The following CA9 variants were observed in gnomAD, a reference collection of about 807,000 sequenced individuals.
The protein encoded by CA9 is carbonic anhydrase 9, also known as CA-IX.
CA9 carries 43 observed loss-of-function variants against 51.8 expected under a neutral mutation model. The ratio of observed to expected loss-of-function variants is 0.83; its 90% CI spans 0.65 to 1.07. The LOEUF (loss-of-function observed/expected upper bound fraction) is 1.07. Among genes scored for constraint, CA9 ranks in the 50% least tolerant of loss-of-function variants. CA9 has a pLI of 0.00. For synonymous variants in CA9, 253 were observed against 244.2 expected, an observed-to-expected ratio of 1.04 and a Z score of -0.34; for missense variants, 574 against 581.4, an observed-to-expected ratio of 0.99 and a Z score of 0.13.
chr9:35,680,617 C>G (rs1587948046), intron 9 of CA9, 136 bp from the exon 10 acceptor site: 3 of 685,068 alleles, frequency 4.4e-6, no homozygotes, highest in Non-Finnish European at 7.6e-6. Context: ...CTTGGCTGGC[C>G]TCTTCTGGAG....
In CA9 at chr9:35,674,065, C is replaced by T. The variant is rs1824369994; in HGVS notation, c.106C>T (p.His36Tyr). 1 of 1,614,074 alleles carries T rather than the reference C, an allele frequency of 6.2e-7. No homozygotes were observed. The highest frequency in any genetic ancestry group is 1.3e-5 in the African/African-American group (1 of 74,932). Residue 36 changes from histidine (H) to tyrosine (Y), a missense_variant, in exon 1 of 11, where the codon CAT becomes TAT. Coordinates refer to ENST00000378357, the MANE Select transcript of CA9 (RefSeq NM_001216.3). ...GTCACTGCTGCTTCTGGTGCCTGTC[C>T]ATCCCCAGAGGTTGCCCCGGATGCA... The part of the protein sequence containing the change: ...LLSLLLLVPV[H>Y]PQRLPRMQED...
chr9:35,675,823 A>G lies in CA9; in HGVS notation c.496A>G (p.Ile166Val), dbSNP rs764462068. 1.9e-6 allele frequency: 3 copies of G among 1,603,622 alleles called. No individual in the cohort carries two copies. The highest frequency in any genetic ancestry group is 1.7e-6 in the Non-Finnish European group (2 of 1,179,408). The change falls in exon 3 of 11, where the codon ATC becomes GTC. Residue 166 changes from isoleucine (I) to valine (V), a missense_variant. Physicochemically the swap from Ile to Val is conservative, Grantham distance 29. Transcript: ENST00000378357. ...GGGCCGCTTCCAGTCCCCGGTGGAT[A>G]TCCGCCCCCAGCTCGCCGCCTTCTG... ...CAGRFQSPVD[I>V]RPQLAAFCPA...
At chr9:35,680,300 C>T (rs1824514869) in intron 9 of CA9, among the ~76,000 whole-genome samples, 161 bp downstream of exon 9, 1 of 152,222 alleles carries the variant, frequency 6.6e-6, no homozygotes, top group African/African-American at 2.4e-5. Flanking sequence ...CCCCCATTGT[C>T]CCCAGAGGCT....
rs1188175823 is a variant in CA9 at position 35,674,209 on chromosome 9, C to T, written c.250C>T (p.Pro84Ser). The T allele has an allele frequency of 1.3e-6, 2 of 1,513,336 alleles. No individual in the cohort carries two copies. Among genetic ancestry groups the T allele is most frequent in the African/African-American group, 3.2e-5 (2 of 62,234 alleles). The allele number at this position is 1,513,336 out of a possible 1,614,324, so 93.7% of individuals were successfully genotyped here. A position where few individuals can be genotyped will look rare whatever the true frequency, so the allele number is the denominator to read the frequency against. The change falls in exon 1 of 11, where the codon CCT becomes TCT. Residue 84 changes from proline (P) to serine (S), a missense_variant. By Grantham distance (74) the Pro-to-Ser change is moderately conservative (BLOSUM62 -1). Coordinates refer to ENST00000378357, the MANE Select transcript of CA9 (RefSeq NM_001216.3). Reference protein sequence around the residue: ...EEDPPGEEDLPGEEDLPGEED... With the variant: ...EEDPPGEEDLSGEEDLPGEED... ...GGATCCACCCGGAGAGGAGGATCTA[C>T]CTGGAGAGGAGGATCTACCTGGAGA...
chr9:35,679,072 T>C (rs41277059), intron 6 of CA9, 113 bp from the exon 7 acceptor site: 69,318 of 1,110,176 alleles, frequency 0.062, 2,666 homozygotes, highest in Non-Finnish European at 0.074. Context: ...AGCGAAGAAG[T>C]GGTCTCAGAG....
chr9:35,676,938 C>T (rs113105632), intron 5 of CA9, among the ~76,000 whole-genome samples: 260 of 152,230 alleles, frequency 1.7e-3, no homozygotes, highest in Non-Finnish European at 2.6e-3. Context: ...CTGCAACTTC[C>T]GCCTCCCGGG....
intron 1 of CA9, 43 bp from the exon 2 acceptor site, chr9:35,675,495 T>C: frequency 6.2e-7 from 1 of 1,612,192 alleles, no homozygotes; most frequent in Non-Finnish European, 8.5e-7. Context: ...AGGAAGGGAT[T>C]GGGGCTCTAA....
rs748814740 is a variant in CA9 at position 35,674,192 on chromosome 9, C to G, written c.233C>G (p.Pro78Arg). The G allele has an allele frequency of 6.2e-7, 1 of 1,612,802 alleles. No homozygotes were observed. Among genetic ancestry groups the G allele is most frequent in the Non-Finnish European group, 8.5e-7 (1 of 1,179,972 alleles). The change falls in exon 1 of 11, where the codon CCC becomes CGC. Residue 78 changes from proline (P) to arginine (R), a missense_variant. Coordinates refer to ENST00000378357, the MANE Select transcript of CA9 (RefSeq NM_001216.3). ...EEDSPREEDPPGEEDLPGEED... is the reference protein window; with the variant it reads ...EEDSPREEDPRGEEDLPGEED... ...GATTCACCCAGAGAGGAGGATCCAC[C>G]CGGAGAGGAGGATCTACCTGGAGAG...
intron 9 of CA9, 182 bp from the exon 10 acceptor site, chr9:35,680,571 C>G: frequency 1.6e-6 from 1 of 611,322 alleles, no homozygotes; most frequent in East Asian, 2.8e-5. Flanking sequence ...AAAAACGGTG[C>G]TTATCTTACC....
chr9:35,678,967 T>C (rs1266476578), intron 6 of CA9, among the ~76,000 whole-genome samples: 1 of 152,122 alleles, frequency 6.6e-6, no homozygotes, highest in Non-Finnish European at 1.5e-5. Flanking sequence ...CTCCTTCCTT[T>C]CTTTCTTCCT....
chr9:35,675,395 T>C, intron 1 of CA9, 143 bp from the exon 2 acceptor site: 1 of 852,598 alleles, frequency 1.2e-6, no homozygotes, highest in Non-Finnish European at 1.9e-6. Flanking sequence ...GGGTGCGGTC[T>C]CCTGTGCTTT....
In CA9 at chr9:35,674,103, CT is replaced by C. The variant is rs113003874; in HGVS notation, c.146del (p.Leu49TrpfsTer60). On this transcript the variant is annotated frameshift_variant, in exon 1 of 11. Coordinates refer to ENST00000378357, the MANE Select transcript of CA9 (RefSeq NM_001216.3). LOFTEE classifies it high-confidence loss of function. ...RLPRMQEDSP[L>X]GGGSSGEDDP... ...TGCCCCGGATGCAGGAGGATTCCCC[CT>C]TGGGAGGAGGCTCTTCTGGGGAAGA... is the stretch of plus-strand genomic sequence containing the variant. 3.7e-6 allele frequency: 6 copies of C among 1,614,140 alleles called. No individual in the cohort carries two copies. The highest frequency in any genetic ancestry group is 5.1e-6 in the Non-Finnish European group (6 of 1,179,992).
intron 3 of CA9, 44 bp from the exon 4 acceptor site, chr9:35,676,020 G>T (rs761618983): frequency 1.2e-6 from 2 of 1,608,350 alleles, no homozygotes; most frequent in Non-Finnish European, 1.7e-6. Flanking sequence ...GGGTTGGGCT[G>T]GCCCTACCGG....
rs1401913110 is a variant in CA9, at chr9:35,674,150, A to T, written c.191A>T (p.Asp64Val). Residue 64 changes from aspartate (D) to valine (V), a missense_variant, in exon 1 of 11, where the codon GAT (aspartate) becomes GTT (valine). Coordinates refer to ENST00000378357, the MANE Select transcript of CA9 (RefSeq NM_001216.3). ...SGEDDPLGEE[D>V]LPSEEDSPRE... ...GAAGATGACCCACTGGGCGAGGAGG[A>T]TCTGCCCAGTGAAGAGGATTCACCC... 1 of 1,614,134 alleles carries T rather than the reference A, an allele frequency of 6.2e-7. No homozygotes were observed. The highest frequency in any genetic ancestry group is 1.1e-5 in the South Asian group (1 of 91,084).
At chr9:35,680,220 C>T (rs1824510801) in intron 9 of CA9, 81 bp downstream of exon 9, 1 of 1,509,502 alleles carries the variant, frequency 6.6e-7, no homozygotes, top group Non-Finnish European at 9.2e-7. Flanking sequence ...AGGACCGCCT[C>T]TGCTCCCTCT....
chr9:35,674,778 C>T (rs1401064857), intron 1 of CA9: 1 of 168,068 alleles, frequency 5.9e-6, no homozygotes, highest in African/African-American at 2.4e-5. Context: ...TAGAAGTCAT[C>T]TCATCTTAGG....
At chr9:35,680,942 C>G (rs774549552) in intron 10 of CA9, 23 bp from the exon 11 acceptor site, 24 of 1,613,620 alleles carry the variant, frequency 1.5e-5, no homozygotes, top group Non-Finnish European at 2.0e-5. Flanking sequence ...TTCTGATTAG[C>G]CTTTCCTGTT....
At chr9:35,680,560 C>T in intron 9 of CA9, 193 bp from the exon 10 acceptor site, 1 of 604,550 alleles carries the variant, frequency 1.7e-6, no homozygotes, top group Non-Finnish European at 2.9e-6. Flanking sequence ...TTTTAGGAAG[C>T]AAAAACGGTG....
intron 5 of CA9, 56 bp from the exon 6 acceptor site, chr9:35,677,734 C>A: frequency 7.0e-7 from 1 of 1,427,002 alleles, no homozygotes; most frequent in Non-Finnish European, 9.9e-7. Context: ...ATGTTCCGGC[C>A]TTCAGCCATG....
Sources: allele counts gnomAD v4.1 joint callset (sites outside exome capture counted in the v4.1 genomes callset), GRCh38; gene constraint gnomAD v4.1.1; transcripts MANE v1.5; gene names NCBI Gene and HGNC (gene_info 2026-07-23, HGNC 2026-07-21).